The following WDR7 variants were observed in gnomAD, a reference collection of about 807,000 sequenced individuals.
WDR7 encodes WD repeat domain 7.
WDR7 carries 46 observed loss-of-function variants against 169.4 expected under a neutral mutation model. The observed-to-expected ratio is 0.27, with a 90% CI of 0.21 to 0.35. The LOEUF (loss-of-function observed/expected upper bound fraction) is 0.35. Ranked by LOEUF, WDR7 falls within the 10% of genes least tolerant of loss-of-function variation. The probability of loss-of-function intolerance (pLI) is 1.00; values close to 1 mark genes in which losing one functional copy is unlikely to be tolerated. For synonymous variants in WDR7, 612 were observed against 666.8 expected (o/e 0.92, Z 1.27); for missense variants, 1,534 against 1,859.3 (o/e 0.83, Z 3.22).
chr18:56,862,485 C>A (rs1022309655), intron 20 of WDR7, among the ~76,000 whole-genome samples: 6 of 151,374 alleles, frequency 4.0e-5, no homozygotes, highest in African/African-American at 1.5e-4. Flanking sequence ...TATAACATTA[C>A]CTATATTAAA....
chr18:56,753,513 T>C (rs1221041203), intron 14 of WDR7, among the ~76,000 whole-genome samples: 1 of 152,170 alleles, frequency 6.6e-6, no homozygotes, highest in Non-Finnish European at 1.5e-5. Flanking sequence ...AAATATGTGA[T>C]ACATAGTAGA....
rs372095614 is a variant in WDR7 at position 56,702,265 on chromosome 18, C to T, written c.1578+5803C>T. On this transcript the variant is annotated intron_variant, in intron 12 of 27. Transcript: ENST00000254442. ...TATTTTACCTTTCCCTGTTGCTTATCGTTCTCCTTTTATTATAGATTTTAG... is the reference window on the plus strand; with the variant it reads ...TATTTTACCTTTCCCTGTTGCTTATTGTTCTCCTTTTATTATAGATTTTAG... Among the ~76,000 whole-genome samples, 29 of 152,276 alleles carry T rather than the reference C, an allele frequency of 1.9e-4. No individual in the cohort carries two copies. The South Asian group carries it at 3.1e-3, about 16-fold the overall frequency.
chr18:56,960,188 G>T (rs560547030), intron 25 of WDR7, among the ~76,000 whole-genome samples: 1 of 152,108 alleles, frequency 6.6e-6, no homozygotes, highest in South Asian at 2.1e-4. Context: ...GAAAAGTAAC[G>T]ATTTGATTCC....
chr18:56,734,590 C>CT (rs2026657434), intron 14 of WDR7, among the ~76,000 whole-genome samples: 1 of 151,742 alleles, frequency 6.6e-6, no homozygotes. Flanking sequence ...CCTCTTTTCC[C>CT]TTCCCTACCC....
chr18:56,735,213 G>A (rs1485926141), intron 14 of WDR7, among the ~76,000 whole-genome samples: 1 of 152,110 alleles, frequency 6.6e-6, no homozygotes, highest in Admixed American at 6.5e-5. Flanking sequence ...AAAAGGGGAT[G>A]GTTAGGAAGC....
chr18:56,794,362 T>TACAGTG (rs1269483013), intron 19 of WDR7, among the ~76,000 whole-genome samples: 1 of 130,122 alleles, frequency 7.7e-6, no homozygotes, highest in Non-Finnish European at 1.6e-5. Flanking sequence ...CAGGCTGGAG[T>TACAGTG]ACAGTGGCGT....
chr18:56,672,618 G>A lies in WDR7; in HGVS notation c.103G>A (p.Val35Ile), dbSNP rs141522942. The change falls in exon 2 of 28, where the codon GTA (valine) becomes ATA (isoleucine). Residue 35 changes from valine to isoleucine, a missense_variant. By Grantham distance (29) the Val-to-Ile change is conservative (BLOSUM62 3). Coordinates refer to ENST00000254442, the MANE Select transcript of WDR7 (RefSeq NM_015285.3). ...VLLTDDGATI[V>I]TGCHDGQICL... Reference sequence around the variant, plus strand: ...TTTAACAGATGATGGGGCCACGATCGTAACAGGATGTCACGACGGACAAAT... The same window carrying A: ...TTTAACAGATGATGGGGCCACGATCATAACAGGATGTCACGACGGACAAAT... 6.1e-5 allele frequency: 98 copies of A among 1,612,864 alleles called. No individual in the cohort carries two copies. The highest frequency in any genetic ancestry group is 7.7e-5 in the Non-Finnish European group (91 of 1,179,414).
intron 26 of WDR7, among the ~76,000 whole-genome samples, chr18:57,014,581 T>C (rs543916253): frequency 2.4e-4 from 36 of 151,706 alleles, no homozygotes; most frequent in African/African-American, 7.5e-4. Flanking sequence ...CACTTGAACC[T>C]GAGATGCGGA....
intron 21 of WDR7, among the ~76,000 whole-genome samples, chr18:56,900,619 AAGATTAGACTTCTTT>A (rs2046389528): frequency 6.6e-6 from 1 of 152,188 alleles, no homozygotes; most frequent in Non-Finnish European, 1.5e-5. Flanking sequence ...CTCCAAGGCT[AAGATTAGACTTCTTT>A]AAAGAGTCAG....
At chr18:56,845,683 A>G (rs1049273428) in intron 20 of WDR7, among the ~76,000 whole-genome samples, 1 of 152,184 alleles carries the variant, frequency 6.6e-6, no homozygotes, top group Admixed American at 6.5e-5. Context: ...TATTAAAATC[A>G]TGATTCAAAT....
intron 20 of WDR7, among the ~76,000 whole-genome samples, chr18:56,827,586 G>T (rs560006639): frequency 1.3e-5 from 2 of 152,158 alleles, no homozygotes; most frequent in African/African-American, 4.8e-5. Flanking sequence ...TGGGGGAGGG[G>T]TGGTTAATGG....
At chr18:56,691,587 G>A in intron 8 of WDR7, 128 bp from the exon 9 acceptor site, 1 of 882,502 alleles carries the variant, frequency 1.1e-6, no homozygotes, top group Non-Finnish European at 1.6e-6. Flanking sequence ...TTAATTTAAT[G>A]CCTGCATTAA....
intron 26 of WDR7, among the ~76,000 whole-genome samples, chr18:57,012,195 G>A (rs1405895473): frequency 6.6e-6 from 1 of 152,144 alleles, no homozygotes; most frequent in African/African-American, 2.4e-5. Flanking sequence ...ATAAAAGAGT[G>A]TTTCTTCATC....
chr18:56,899,160 G>A (rs906522975), intron 21 of WDR7, among the ~76,000 whole-genome samples: 3 of 151,906 alleles, frequency 2.0e-5, no homozygotes, highest in Non-Finnish European at 4.4e-5. Context: ...ACAACCCATG[G>A]GTAGAAAGTT....
rs780563895 is a variant in WDR7 at position 56,816,051 on chromosome 18, G to A, written c.3211G>A (p.Ala1071Thr). 105 of 1,611,900 alleles carry A rather than the reference G, an allele frequency of 6.5e-5. No individual in the cohort carries two copies. The East Asian group carries it at 1.4e-3, about 22-fold the overall frequency. Residue 1071 changes from alanine (A) to threonine (T), a missense_variant, in exon 20 of 28, where the codon GCG becomes ACG. Physicochemically the swap from Ala to Thr is moderately conservative, Grantham distance 58. Transcript: ENST00000254442. ...VISPGVTSEA[A>T]QTITTAPDAS... Reference sequence around the variant, plus strand: ...TTTAGCTGGAGTCACATCAGAAGCCGCGCAGACTATCACCACGGCTCCTGA... The same window carrying A: ...TTTAGCTGGAGTCACATCAGAAGCCACGCAGACTATCACCACGGCTCCTGA...
At chr18:56,920,798 CA>C (rs1331576623) in intron 21 of WDR7, among the ~76,000 whole-genome samples, 1 of 152,090 alleles carries the variant, frequency 6.6e-6, no homozygotes, top group Admixed American at 6.5e-5. Flanking sequence ...TTATGGGAGG[CA>C]AAATTCATAA....
intron 1 of WDR7, among the ~76,000 whole-genome samples, chr18:56,668,091 A>G (rs1249883836): frequency 6.6e-6 from 1 of 152,238 alleles, no homozygotes; most frequent in Non-Finnish European, 1.5e-5. Flanking sequence ...CCTCTCTGTT[A>G]TATCACAGCT....
At chr18:56,856,308 T>C (rs1176308833) in intron 20 of WDR7, among the ~76,000 whole-genome samples, 1 of 152,062 alleles carries the variant, frequency 6.6e-6, no homozygotes, top group Non-Finnish European at 1.5e-5. Context: ...CCAAGGCAGG[T>C]GGATCACTTG....
intron 27 of WDR7, among the ~76,000 whole-genome samples, chr18:57,024,657 A>G (rs975607889): frequency 7.0e-6 from 1 of 142,060 alleles, no homozygotes; most frequent in African/African-American, 2.8e-5. Flanking sequence ...AGAATTTCAC[A>G]TATCCCTATT....
Sources: gnomAD v4.1 joint callset for allele counts (sites outside exome capture counted in the v4.1 genomes callset) on GRCh38, gnomAD v4.1.1 for gene constraint, MANE v1.5 for transcripts, NCBI Gene and HGNC (gene_info 2026-07-23, HGNC 2026-07-21) for gene names.